FBXL17: variants seen among roughly 807,000 people sequenced by gnomAD.
FBXL17 encodes F-box/LRR-repeat protein 17.
In FBXL17, 22 loss-of-function variants were observed where a neutral mutation model predicts 66.2. That is an observed-to-expected ratio of 0.33 (90% CI 0.24 to 0.47). The LOEUF is 0.47. Ranked by LOEUF, FBXL17 falls within the 20% of genes least tolerant of loss-of-function variation. The pLI is 1.00. For missense variants in FBXL17, 878 were observed against 948.2 expected (o/e 0.93, Z 0.97); for synonymous variants, 474 against 400.5 (o/e 1.18, Z -2.19).
At chr5:107,973,327 C>A (rs1049578745) in intron 7 of FBXL17, among the ~76,000 whole-genome samples, 3 of 142,296 alleles carry the variant, frequency 2.1e-5, no homozygotes, top group Admixed American at 7.0e-5. Context: ...CATAAGCTCT[C>A]TTAATTAAAC....
At chr5:107,908,726 CG>C (rs1160115075) in intron 7 of FBXL17, among the ~76,000 whole-genome samples, 1 of 152,030 alleles carries the variant, frequency 6.6e-6, no homozygotes, top group Non-Finnish European at 1.5e-5. Context: ...TGGGAATGCT[CG>C]TGGTAGAATG....
chr5:108,370,744 GAA>G (rs748946248), intron 1 of FBXL17, among the ~76,000 whole-genome samples: 14 of 135,162 alleles, frequency 1.0e-4, no homozygotes, highest in Admixed American at 1.5e-4. Flanking sequence ...CTCCTTCTCG[GAA>G]AAAAAAAAAA....
chr5:108,364,219 C>A (rs925907097), intron 3 of FBXL17, among the ~76,000 whole-genome samples: 3 of 151,940 alleles, frequency 2.0e-5, no homozygotes, highest in African/African-American at 7.2e-5. Context: ...ACCTTAAATG[C>A]CATTTCCAAA....
chr5:107,954,389 T>G (rs1418229560), intron 7 of FBXL17, among the ~76,000 whole-genome samples: 2 of 152,156 alleles, frequency 1.3e-5, no homozygotes, highest in African/African-American at 4.8e-5. Context: ...ACCAGTGATA[T>G]CTCATTAGGA....
chr5:108,246,460 T>G lies in FBXL17; in HGVS notation c.1507-22232A>C, dbSNP rs183732484. ...TGAGCCCAGGAGGTTGAGGTTGCAG[T>G]AAGCCATGATCATGCCACTGCACTC... is the stretch of plus-strand genomic sequence containing the variant. On this transcript the variant is annotated intron_variant, in intron 4 of 8. Transcript: ENST00000542267. Among the ~76,000 whole-genome samples the G allele has an allele frequency of 1.1e-4, 16 of 152,246 alleles. No individual in the cohort carries two copies. In the East Asian group the frequency reaches 2.7e-3, roughly 26 times the overall value.
At chr5:107,896,155 T>C (rs993080691) in intron 7 of FBXL17, among the ~76,000 whole-genome samples, 2 of 152,204 alleles carry the variant, frequency 1.3e-5, no homozygotes, top group Non-Finnish European at 2.9e-5. Flanking sequence ...TGGATGGGGA[T>C]ACTCACTTGT....
At chr5:108,377,747 C>A (rs908982759) in intron 1 of FBXL17, among the ~76,000 whole-genome samples, 1 of 152,148 alleles carries the variant, frequency 6.6e-6, no homozygotes, top group Non-Finnish European at 1.5e-5. Context: ...ACATTTCTTG[C>A]GGATATTTTT....
chr5:108,380,970 CG>C lies in FBXL17; in HGVS notation c.721del (p.Arg241GlyfsTer117). On this transcript the variant is annotated frameshift_variant, in exon 1 of 9. Coordinates refer to ENST00000542267, the MANE Select transcript of FBXL17 (RefSeq NM_001163315.3). LOFTEE classifies it high-confidence loss of function. ...GPAGGGASPP[R>X]PPDAGCCQAP... ...CTGGCAGCAGCCGGCGTCGGGGGGC[CG>C]GGGCGGCGAAGCGCCTCCCCCCGCA... 8.2e-7 allele frequency: 1 copy of C among 1,218,668 alleles called. No individual in the cohort carries two copies. The highest frequency in any genetic ancestry group is 1.0e-6 in the Non-Finnish European group (1 of 978,946). The allele number at this position is 1,218,668 out of a possible 1,614,324, so 75.5% of individuals were successfully genotyped here. A position where few individuals can be genotyped will look rare whatever the true frequency, so the allele number is the denominator to read the frequency against.
At chr5:108,145,474 T>C (rs1751517917) in intron 6 of FBXL17, among the ~76,000 whole-genome samples, 1 of 152,196 alleles carries the variant, frequency 6.6e-6, no homozygotes, top group East Asian at 1.9e-4. Context: ...CTAAACCAGC[T>C]TACTTAATAA....
intron 8 of FBXL17, chr5:107,878,654 T>A: frequency 1.0e-6 from 1 of 985,468 alleles, no homozygotes; most frequent in South Asian, 4.7e-5. Flanking sequence ...AATCTGGAGA[T>A]GGATGGCATG....
chr5:108,166,009 C>T (rs1043373439), intron 6 of FBXL17, among the ~76,000 whole-genome samples: 1 of 152,168 alleles, frequency 6.6e-6, no homozygotes, highest in Non-Finnish European at 1.5e-5. Context: ...ACGTGAGACA[C>T]CTCACTATCC....
At chr5:108,333,082 G>A (rs1478550605) in intron 4 of FBXL17, among the ~76,000 whole-genome samples, 1 of 134,904 alleles carries the variant, frequency 7.4e-6, no homozygotes, top group Non-Finnish European at 1.5e-5. Flanking sequence ...ACCTTAAAAT[G>A]AAAGCCGAAG....
intron 5 of FBXL17, among the ~76,000 whole-genome samples, chr5:108,191,969 A>G (rs1231965684): frequency 6.6e-6 from 1 of 152,198 alleles, no homozygotes; most frequent in Non-Finnish European, 1.5e-5. Flanking sequence ...GGCCAACTCA[A>G]CTTGAAATAT....
chr5:108,303,051 T>C (rs1392557295), intron 4 of FBXL17, among the ~76,000 whole-genome samples: 1 of 151,898 alleles, frequency 6.6e-6, no homozygotes, highest in Non-Finnish European at 1.5e-5. Context: ...GGTCTAAATC[T>C]AGTTTGTGTT....
chr5:108,309,098 A>G (rs1032044134), intron 4 of FBXL17, among the ~76,000 whole-genome samples: 1 of 152,064 alleles, frequency 6.6e-6, no homozygotes. Context: ...CCTAAATATG[A>G]AACATAATTA....
At chr5:107,879,380 A>T (rs1748708803) in intron 8 of FBXL17, 1 of 985,322 alleles carries the variant, frequency 1.0e-6, no homozygotes, top group Admixed American at 6.1e-5. Flanking sequence ...TCTTAAAAGA[A>T]GTCATTTTAA....
intron 6 of FBXL17, among the ~76,000 whole-genome samples, chr5:108,172,073 T>C (rs11951751): frequency 0.02 from 3,007 of 152,256 alleles, 98 homozygotes; most frequent in African/African-American, 0.068. Flanking sequence ...AATTACCCAG[T>C]CTCGGGTATG....
intron 6 of FBXL17, among the ~76,000 whole-genome samples, chr5:108,142,821 G>T (rs1751403020): frequency 6.6e-6 from 1 of 152,028 alleles, no homozygotes; most frequent in Admixed American, 6.6e-5. Context: ...CAGATCAGCA[G>T]CAGCAGCAGG....
At chr5:108,060,152 T>C (rs1747865906) in intron 6 of FBXL17, among the ~76,000 whole-genome samples, 1 of 150,088 alleles carries the variant, frequency 6.7e-6, no homozygotes, top group South Asian at 2.2e-4. Context: ...GTTATCTAAA[T>C]ATCTCTATTC....
Sources: gnomAD v4.1 joint callset for allele counts (sites outside exome capture counted in the v4.1 genomes callset) on GRCh38, gnomAD v4.1.1 for gene constraint, MANE v1.5 for transcripts, NCBI Gene and HGNC (gene_info 2026-07-23, HGNC 2026-07-21) for gene names.